The following SOX6 variants were observed in gnomAD, a reference collection of about 807,000 sequenced individuals.
SOX6 encodes SRY-box transcription factor 6, also known as transcription factor SOX-6.
In SOX6, 11 loss-of-function variants were observed where a neutral mutation model predicts 97.8. The observed-to-expected ratio is 0.11, with a 90% CI of 0.07 to 0.19. SOX6 has a LOEUF of 0.19. Ranked by LOEUF, SOX6 falls within the 10% of genes least tolerant of loss-of-function variation. SOX6 has a pLI of 1.00. For missense variants in SOX6, 810 were observed against 1,039.5 expected (o/e 0.78, Z 3.04); for synonymous variants, 360 against 371.4 (o/e 0.97, Z 0.35).
At chr11:16,639,045 G>A (rs2134002376) in intron 3 of SOX6, among the ~76,000 whole-genome samples, 1 of 152,192 alleles carries the variant, frequency 6.6e-6, no homozygotes, top group East Asian at 1.9e-4. Flanking sequence ...GGGTTTTTAT[G>A]GTTTTAGGTC....
chr11:16,446,436 G>A (rs1243478312), intron 1 of SOX6, among the ~76,000 whole-genome samples: 1 of 151,984 alleles, frequency 6.6e-6, no homozygotes, highest in East Asian at 1.9e-4. Flanking sequence ...TTACAGAAAG[G>A]GACTGGAAAA....
intron 6 of SOX6, among the ~76,000 whole-genome samples, chr11:16,117,477 A>G (rs1055007741): frequency 2.0e-5 from 3 of 152,258 alleles, no homozygotes; most frequent in African/African-American, 7.2e-5. Flanking sequence ...TGCAAGTGAT[A>G]TTAGCAGAAA....
chr11:16,113,411 G>A (rs546180663), intron 6 of SOX6, among the ~76,000 whole-genome samples: 4 of 152,278 alleles, frequency 2.6e-5, no homozygotes, highest in Non-Finnish European at 5.9e-5. Flanking sequence ...CCCAAGTTTC[G>A]TACATTAGAG....
At chr11:16,257,566 TC>T (rs1194838029) in intron 3 of SOX6, among the ~76,000 whole-genome samples, 1 of 151,826 alleles carries the variant, frequency 6.6e-6, no homozygotes, top group Non-Finnish European at 1.5e-5. Context: ...TCAAAATTGA[TC>T]ATAGACCTAA....
At chr11:16,529,575 A>T (rs1422293946) in intron 4 of SOX6, among the ~76,000 whole-genome samples, 2 of 152,090 alleles carry the variant, frequency 1.3e-5, no homozygotes, top group Non-Finnish European at 2.9e-5. Flanking sequence ...AAATGTTGCT[A>T]TCCAGCTAAC....
intron 2 of SOX6, among the ~76,000 whole-genome samples, chr11:16,331,642 A>G (rs547880136): frequency 6.8e-6 from 1 of 147,560 alleles, no homozygotes; most frequent in South Asian, 2.2e-4. Context: ...TAGAACAAGT[A>G]CAAAGAGACT....
At chr11:16,322,041 G>T (rs1045000898) in intron 2 of SOX6, among the ~76,000 whole-genome samples, 9 of 151,900 alleles carry the variant, frequency 5.9e-5, no homozygotes, top group African/African-American at 1.9e-4. Flanking sequence ...AGAATCTCTG[G>T]TTTTTTTAAG....
intron 1 of SOX6, among the ~76,000 whole-genome samples, chr11:16,462,487 G>A (rs932043878): frequency 3.9e-5 from 6 of 152,220 alleles, no homozygotes; most frequent in East Asian, 1.9e-4. Context: ...TCATGCTTAC[G>A]TTTCCTCCTT....
chr11:16,589,725 C>A (rs756937616), intron 4 of SOX6, among the ~76,000 whole-genome samples: 1 of 152,084 alleles, frequency 6.6e-6, no homozygotes, highest in Non-Finnish European at 1.5e-5. Flanking sequence ...TAACAATATA[C>A]TTTGCCCTAT....
chr11:16,644,884 T>C (rs567992440), intron 3 of SOX6, among the ~76,000 whole-genome samples: 5 of 152,332 alleles, frequency 3.3e-5, no homozygotes, highest in Admixed American at 1.3e-4. Context: ...TTTTGTCACA[T>C]TGTCTAGGAT....
intron 1 of SOX6, among the ~76,000 whole-genome samples, chr11:16,353,847 A>G (rs1030642363): frequency 6.6e-6 from 1 of 152,000 alleles, no homozygotes; most frequent in Non-Finnish European, 1.5e-5. Context: ...AGAATCCTGC[A>G]TTATTTATCT....
chr11:16,587,021 C>G, intron 4 of SOX6, among the ~76,000 whole-genome samples: 1 of 152,162 alleles, frequency 6.6e-6, no homozygotes, highest in East Asian at 1.9e-4. Context: ...CAGTTAACAC[C>G]ATGCCATGCA....
chr11:16,592,415 C>T (rs752663564), intron 4 of SOX6, among the ~76,000 whole-genome samples: 1 of 150,982 alleles, frequency 6.6e-6, no homozygotes, highest in Non-Finnish European at 1.5e-5. Flanking sequence ...AGGAAGATAC[C>T]AGCTATAGGT....
chr11:16,563,953 ATTTTC>A (rs906389470), intron 4 of SOX6, among the ~76,000 whole-genome samples: 2 of 152,170 alleles, frequency 1.3e-5, no homozygotes, highest in African/African-American at 4.8e-5. Context: ...GTGGCACAAT[ATTTTC>A]GAAGTGCTGA....
intron 3 of SOX6, among the ~76,000 whole-genome samples, chr11:16,678,802 C>T (rs1360645233): frequency 6.6e-6 from 1 of 152,218 alleles, no homozygotes; most frequent in Non-Finnish European, 1.5e-5. Flanking sequence ...AGATCCCCTC[C>T]CATGCCTGGC....
At chr11:16,055,420 G>T (rs1047648635) in intron 10 of SOX6, among the ~76,000 whole-genome samples, 2 of 152,006 alleles carry the variant, frequency 1.3e-5, no homozygotes, top group African/African-American at 4.8e-5. Context: ...CACATGAAGA[G>T]AAATGCCACA....
At chr11:16,179,759 T>C (rs1427874981) in intron 6 of SOX6, among the ~76,000 whole-genome samples, 1 of 151,916 alleles carries the variant, frequency 6.6e-6, no homozygotes, top group Non-Finnish European at 1.5e-5. Context: ...AATGCCTAAA[T>C]AAAACCCCAT....
chr11:16,255,495 T>A (rs972855805), intron 3 of SOX6, among the ~76,000 whole-genome samples: 9 of 152,090 alleles, frequency 5.9e-5, no homozygotes, highest in African/African-American at 2.2e-4. Context: ...AACACACTTT[T>A]AAATAACACA....
chr11:16,671,125 C>A (rs1236178908), intron 3 of SOX6, among the ~76,000 whole-genome samples: 1 of 152,138 alleles, frequency 6.6e-6, no homozygotes, highest in Non-Finnish European at 1.5e-5. Context: ...GTGAAAACAT[C>A]CAGAAAAGAA....
Sources: gnomAD v4.1 joint callset for allele counts (sites outside exome capture counted in the v4.1 genomes callset) on GRCh38, gnomAD v4.1.1 for gene constraint, MANE v1.5 for transcripts, NCBI Gene and HGNC (gene_info 2026-07-23, HGNC 2026-07-21) for gene names.